The following PFKFB3 variants were observed in gnomAD, a reference collection of about 807,000 sequenced individuals.
PFKFB3 encodes the protein 6-phosphofructo-2-kinase/fructose-2,6-bisphosphatase 3.
In PFKFB3, 33 loss-of-function variants were observed where a neutral mutation model predicts 68.0. The observed-to-expected ratio is 0.49, with a 90% CI of 0.37 to 0.65. The LOEUF (loss-of-function observed/expected upper bound fraction) is 0.65. Ranked by LOEUF, PFKFB3 falls within the 30% of genes least tolerant of loss-of-function variation. The probability of loss-of-function intolerance (pLI) is 0.00; values close to 1 mark genes in which losing one functional copy is unlikely to be tolerated. For missense variants in PFKFB3, 586 were observed against 712.2 expected, an observed-to-expected ratio of 0.82 and a Z score of 2.02; for synonymous variants, 315 against 288.2, an observed-to-expected ratio of 1.09 and a Z score of -0.94.
At chr10:6,320,611 G>A in the PFKFB3 span, among the ~76,000 whole-genome samples, 2 of 152,116 alleles carry the variant, frequency 1.3e-5, no homozygotes, top group African/African-American at 4.8e-5. Context: ...TTTCAGTAGC[G>A]ACGAGGTCTC....
chr10:6,178,755 TG>T (rs1180919402), intron 1 of PFKFB3, among the ~76,000 whole-genome samples: 2 of 152,188 alleles, frequency 1.3e-5, no homozygotes, highest in African/African-American at 2.4e-5. Flanking sequence ...CAGCACGGAC[TG>T]GGGGGGATTT....
the PFKFB3 span, among the ~76,000 whole-genome samples, chr10:6,300,720 C>A: frequency 6.6e-6 from 1 of 152,136 alleles, no homozygotes. Context: ...TCGCGAGGCA[C>A]CGTGGAAGTC....
chr10:6,308,939 C>G, the PFKFB3 span, among the ~76,000 whole-genome samples: 3 of 152,104 alleles, frequency 2.0e-5, no homozygotes, highest in Non-Finnish European at 4.4e-5. Context: ...AATAGAAGAA[C>G]AAGTTAAAAG....
intron 1 of PFKFB3, among the ~76,000 whole-genome samples, chr10:6,196,782 G>T (rs1474045104): frequency 6.6e-6 from 1 of 151,938 alleles, no homozygotes; most frequent in African/African-American, 2.4e-5. Context: ...GACACACCCA[G>T]GATTTTTCAA....
At chr10:6,264,733 A>T in the PFKFB3 span, among the ~76,000 whole-genome samples, 1 of 151,864 alleles carries the variant, frequency 6.6e-6, no homozygotes, top group East Asian at 1.9e-4. Flanking sequence ...TTTCTTTTTC[A>T]TTCTCTCTAT....
upstream of PFKFB3, chr10:6,197,885 C>G (rs1456244640): frequency 6.6e-6 from 1 of 152,150 alleles, no homozygotes; most frequent in African/African-American, 2.4e-5. Flanking sequence ...ATATCTCTGT[C>G]TGTCATAAAT....
At chr10:6,257,809 GA>G (rs1564239197), downstream of PFKFB3, among the ~76,000 whole-genome samples, 1 of 152,126 alleles carries the variant, frequency 6.6e-6, no homozygotes, top group Non-Finnish European at 1.5e-5. Flanking sequence ...AACAAGTCAG[GA>G]TGTAATTTCA....
downstream of PFKFB3, among the ~76,000 whole-genome samples, chr10:6,258,949 A>G (rs1046925998): frequency 6.6e-6 from 1 of 152,216 alleles, no homozygotes; most frequent in Non-Finnish European, 1.5e-5. Flanking sequence ...ACTCTATCAT[A>G]TATGGTGCTG....
chr10:6,275,305 T>C, the PFKFB3 span, among the ~76,000 whole-genome samples: 1 of 152,218 alleles, frequency 6.6e-6, no homozygotes. The surrounding 1 kb of genome is among the most constrained non-coding windows in gnomAD (Gnocchi z 4.9). Flanking sequence ...TCTGCATAGC[T>C]TGTCTGTGAC....
Position 6,226,197 on chromosome 10 carries a change from A to C in PFKFB3, c.1347A>C (p.Ala449=), listed in dbSNP as rs1564640467. 1 of 1,583,476 alleles carries C rather than the reference A, an allele frequency of 6.3e-7. No homozygotes were observed. The highest frequency in any genetic ancestry group is 8.6e-7 in the Non-Finnish European group (1 of 1,166,994). The change falls in exon 14 of 15, where the codon GCA becomes GCC. Residue 449 remains alanine, a synonymous_variant. Coordinates refer to ENST00000379775, the MANE Select transcript of PFKFB3 (RefSeq NM_004566.4). ...VCTHRERSED[A]KKGPNPLMRR... ...TTTGTCTTTGTCTTGCTTAGGATGCAAAGAAGGGACCTAACCCGCTCATGA... is the reference window on the plus strand; with the variant it reads ...TTTGTCTTTGTCTTGCTTAGGATGCCAAGAAGGGACCTAACCCGCTCATGA...
In PFKFB3 at chr10:6,181,796, T is replaced by TA. The variant is rs60557537; in HGVS notation, c.17-31804dup. Among the ~76,000 whole-genome samples the TA allele has an allele frequency of 6.3e-3, 720 of 114,102 alleles. 6 individuals are homozygous for TA. The highest frequency in any genetic ancestry group is 0.017 in the African/African-American group (521 of 29,892). The allele number at this position is 114,102 out of a possible 152,430, so 74.9% of individuals were successfully genotyped here. ...CTGGGCGATAGAGTAAGACTCCGTT[T>TA]AAAAAAAAAAAAAAAAAAAAAAAGA... On this transcript the variant is annotated intron_variant, in intron 1 of 14. Transcript: ENST00000379789.
chr10:6,270,425 A>G, the PFKFB3 span, among the ~76,000 whole-genome samples: 1 of 152,144 alleles, frequency 6.6e-6, no homozygotes, highest in Non-Finnish European at 1.5e-5. Context: ...AAGCCCTTCA[A>G]TGGTTTCCTG....
intron 1 of PFKFB3, among the ~76,000 whole-genome samples, chr10:6,212,026 T>A (rs770597120): frequency 5.9e-5 from 9 of 152,350 alleles, no homozygotes; most frequent in Middle Eastern, 3.4e-3. Flanking sequence ...TCCCGCAGCA[T>A]AAGCCTGCTC....
At chr10:6,192,379 T>C (rs1156723157) in intron 1 of PFKFB3, among the ~76,000 whole-genome samples, 3 of 151,118 alleles carry the variant, frequency 2.0e-5, no homozygotes, top group Admixed American at 1.3e-4. Context: ...TTTTTTTTTT[T>C]TTTTTGGCTT....
intron 1 of PFKFB3, among the ~76,000 whole-genome samples, chr10:6,187,624 A>G (rs1842906448): frequency 6.6e-6 from 1 of 152,160 alleles, no homozygotes; most frequent in South Asian, 2.1e-4. Flanking sequence ...ATCTTTCAGC[A>G]TTGGTGTTTG....
At chr10:6,227,375 G>A (rs928240021) in intron 14 of PFKFB3, among the ~76,000 whole-genome samples, 2 of 152,178 alleles carry the variant, frequency 1.3e-5, no homozygotes, top group African/African-American at 4.8e-5. Flanking sequence ...TTGTTGATGA[G>A]CCGGATGCTG....
the PFKFB3 span, among the ~76,000 whole-genome samples, chr10:6,284,283 G>A: frequency 6.6e-6 from 1 of 152,284 alleles, no homozygotes; most frequent in East Asian, 1.9e-4. Context: ...GGGTGTTGAA[G>A]TCTTCAACTA....
At chr10:6,237,774 C>T (rs1846050636), downstream of PFKFB3, among the ~76,000 whole-genome samples, 1 of 152,160 alleles carries the variant, frequency 6.6e-6, no homozygotes, top group South Asian at 2.1e-4. Context: ...CCATGTTGCC[C>T]AGGCTGGTCT....
At chr10:6,206,799 CGA>C (rs1843762968) in intron 1 of PFKFB3, among the ~76,000 whole-genome samples, 1 of 79,754 alleles carries the variant, frequency 1.3e-5, no homozygotes, top group African/African-American at 5.2e-5. Flanking sequence ...ACATCCCAGA[CGA>C]TGGGCGGCCG....
Sources: gnomAD v4.1 joint callset for allele counts (sites outside exome capture counted in the v4.1 genomes callset) on GRCh38, gnomAD v4.1.1 for gene constraint, Gnocchi (gnomAD v3.1) non-coding constraint, MANE v1.5 for transcripts, NCBI Gene and HGNC (gene_info 2026-07-23, HGNC 2026-07-21) for gene names.